The following PARN variants were observed in gnomAD, a reference collection of about 807,000 sequenced individuals.
PARN encodes poly(A)-specific ribonuclease PARN.
In PARN, 71 loss-of-function variants were observed where a neutral mutation model predicts 102.8. The ratio of observed to expected loss-of-function variants is 0.69; its 90% CI spans 0.57 to 0.84. The LOEUF is 0.84. Among genes scored for constraint, PARN ranks in the 40% least tolerant of loss-of-function variants. The pLI, the probability that PARN is intolerant of heterozygous loss-of-function variation, is 0.00. For synonymous variants in PARN, 261 were observed against 252.9 expected, an observed-to-expected ratio of 1.03 and a Z score of -0.30; for missense variants, 782 against 760.9, an observed-to-expected ratio of 1.03 and a Z score of -0.33.
intron 21 of PARN, among the ~76,000 whole-genome samples, chr16:14,484,658 C>G (rs1963561508): frequency 6.6e-6 from 1 of 152,164 alleles, no homozygotes; most frequent in South Asian, 2.1e-4. Flanking sequence ...GACCTTAAAA[C>G]AGAGGGAAAG....
chr16:14,591,817 CAGG>C (rs1340053720), intron 13 of PARN: 1 of 152,180 alleles, frequency 6.6e-6, no homozygotes, highest in Non-Finnish European at 1.5e-5. Context: ...GCGGGCAGAT[CAGG>C]AGGTCAGGAG....
chr16:14,547,104 AAAG>A (rs1966998604), intron 21 of PARN, among the ~76,000 whole-genome samples: 1 of 151,746 alleles, frequency 6.6e-6, no homozygotes. Context: ...AAAAAAAAAA[AAAG>A]AAAAAAAAAG....
intron 5 of PARN, among the ~76,000 whole-genome samples, chr16:14,620,311 A>C (rs1488040106): frequency 6.6e-6 from 1 of 152,172 alleles, no homozygotes; most frequent in Non-Finnish European, 1.5e-5. Flanking sequence ...AGGGAGGCGG[A>C]GCTTGCAGTG....
chr16:14,490,424 G>C (rs896348042), intron 21 of PARN, among the ~76,000 whole-genome samples: 1 of 152,164 alleles, frequency 6.6e-6, no homozygotes, highest in African/African-American at 2.4e-5. Flanking sequence ...GCATACATCT[G>C]TCTGCAAGGA....
At chr16:14,625,209 C>A (rs1972567912) in intron 5 of PARN, among the ~76,000 whole-genome samples, 2 of 150,568 alleles carry the variant, frequency 1.3e-5, no homozygotes, top group Admixed American at 6.6e-5. Flanking sequence ...AAAAAAAAAA[C>A]AAAACAAAAC....
At chr16:14,531,868 A>G (rs1479231765) in intron 21 of PARN, among the ~76,000 whole-genome samples, 2 of 151,442 alleles carry the variant, frequency 1.3e-5, no homozygotes, top group African/African-American at 4.9e-5. Flanking sequence ...CTTGTATTCA[A>G]CCTGGCCAAG....
At position 14,629,822 on chromosome 16, in the gene PARN, T is replaced by C. The variant is rs1972921941; in HGVS notation, c.20-148A>G. 7.2e-6 allele frequency: 5 copies of C among 694,948 alleles called. No individual in the cohort carries two copies. In the East Asian group the frequency reaches 1.3e-4, roughly 19 times the overall value. 43.0% of individuals were successfully genotyped at this position (694,948 alleles called of 1,614,324 possible). On this transcript the variant is annotated intron_variant, in intron 1 of 23. Transcript: ENST00000437198. ...CACCGGGGCGAGGGGAATCAAGTCC[T>C]CGAGGGGTGCATGGGTCAGGGGGGA... is the stretch of plus-strand genomic sequence containing the variant.
chr16:14,454,656 A>G (rs539232150), intron 22 of PARN, among the ~76,000 whole-genome samples: 2 of 152,220 alleles, frequency 1.3e-5, no homozygotes, highest in African/African-American at 2.4e-5. Flanking sequence ...TACTGTATGT[A>G]GACAAAGCCT....
intron 21 of PARN, among the ~76,000 whole-genome samples, chr16:14,549,672 C>A (rs190016017): frequency 8.6e-4 from 131 of 152,294 alleles, no homozygotes; most frequent in Admixed American, 6.9e-3. Flanking sequence ...CTTGTATTTT[C>A]AAATAAATGC....
intron 22 of PARN, among the ~76,000 whole-genome samples, chr16:14,454,153 T>A (rs561739944): frequency 6.6e-6 from 1 of 152,338 alleles, no homozygotes; most frequent in East Asian, 1.9e-4. Context: ...AACTATTTTG[T>A]ATGTAGATAC....
chr16:14,602,631 G>A (rs920618695), intron 11 of PARN, among the ~76,000 whole-genome samples: 4 of 152,102 alleles, frequency 2.6e-5, no homozygotes, highest in South Asian at 2.1e-4. Flanking sequence ...GCTAATCTGC[G>A]TCTTGGCCAC....
intron 21 of PARN, among the ~76,000 whole-genome samples, chr16:14,546,434 A>T (rs1966947423): frequency 6.6e-6 from 1 of 152,182 alleles, no homozygotes; most frequent in African/African-American, 2.4e-5. Flanking sequence ...TTGGGCTTTT[A>T]TTTTATTTAT....
At chr16:14,526,738 A>C (rs1247467340) in intron 21 of PARN, among the ~76,000 whole-genome samples, 3 of 152,190 alleles carry the variant, frequency 2.0e-5, no homozygotes, top group Admixed American at 1.3e-4. Context: ...TAGCCATCCT[A>C]TGTCTCCATT....
chr16:14,630,069 G>A (rs778903921), intron 1 of PARN, 38 bp downstream of exon 1: 4 of 1,539,094 alleles, frequency 2.6e-6, no homozygotes, highest in Non-Finnish European at 3.5e-6. Flanking sequence ...GGGGCAGCCG[G>A]GTGTGGGGAG....
chr16:14,545,390 A>C (rs4782161), intron 21 of PARN, among the ~76,000 whole-genome samples: 14,595 of 152,256 alleles, frequency 0.096, 907 homozygotes, highest in East Asian at 0.24. Context: ...AATCTAACGA[A>C]ATCCTAAGCA....
intron 15 of PARN, 77 bp from the exon 16 acceptor site, chr16:14,584,499 CA>C (rs374880534): frequency 5.8e-5 from 68 of 1,178,544 alleles, no homozygotes; most frequent in South Asian, 9.2e-5. Flanking sequence ...CTGACCCCCC[CA>C]AAAAAAAGAC....
At chr16:14,540,749 G>A (rs942951339) in intron 21 of PARN, among the ~76,000 whole-genome samples, 2 of 151,920 alleles carry the variant, frequency 1.3e-5, no homozygotes, top group African/African-American at 4.8e-5. Flanking sequence ...CCCAGGAATT[G>A]AAGACCAGCC....
intron 21 of PARN, among the ~76,000 whole-genome samples, chr16:14,495,595 C>T (rs553341897): frequency 1.3e-5 from 2 of 152,228 alleles, no homozygotes; most frequent in Admixed American, 6.5e-5. Context: ...GGGACCACAG[C>T]GAGAGGAGAG....
chr16:14,602,630 C>T (rs936216450), intron 11 of PARN, among the ~76,000 whole-genome samples: 20 of 152,140 alleles, frequency 1.3e-4, no homozygotes, highest in Non-Finnish European at 5.9e-5. Flanking sequence ...GGCTAATCTG[C>T]GTCTTGGCCA....
Sources: gnomAD v4.1 joint callset for allele counts (sites outside exome capture counted in the v4.1 genomes callset) on GRCh38, gnomAD v4.1.1 for gene constraint, MANE v1.5 for transcripts, NCBI Gene and HGNC (gene_info 2026-07-23, HGNC 2026-07-21) for gene names.